The following CWF19L1 variants were observed in gnomAD, a reference collection of about 807,000 sequenced individuals.
The protein encoded by CWF19L1 is CWF19-like protein 1.
CWF19L1 carries 60 observed loss-of-function variants against 69.7 expected under a neutral mutation model. That is an observed-to-expected ratio of 0.86 (90% CI 0.70 to 1.07). CWF19L1 has a LOEUF of 1.07. Among genes scored for constraint, CWF19L1 ranks in the 50% least tolerant of loss-of-function variants. The pLI is 0.00. For missense variants in CWF19L1, 591 were observed against 638.9 expected, an observed-to-expected ratio of 0.92 and a Z score of 0.81; for synonymous variants, 209 against 222.2, an observed-to-expected ratio of 0.94 and a Z score of 0.53.
rs1400515805 is a variant in CWF19L1 at position 100,232,961 on chromosome 10, C to G, written c.*266G>C. 8.7e-6 allele frequency: 2 copies of G among 230,574 alleles called. No individual in the cohort carries two copies. The highest frequency in any genetic ancestry group is 1.7e-5 in the Non-Finnish European group (2 of 118,616). 14.3% of individuals were successfully genotyped at this position (230,574 alleles called of 1,614,324 possible). ...GCATTACAGACCAGCCTGGGCAACA[C>G]AGGGAGACCCTCCTGTCTCTATAAA... On this transcript the variant is annotated 3_prime_UTR_variant, in exon 14 of 14. Transcript: ENST00000354105.
chr10:100,243,798 G>A, intron 9 of CWF19L1, 21 bp from the exon 10 acceptor site: 1 of 1,604,836 alleles, frequency 6.2e-7, no homozygotes, highest in Non-Finnish European at 8.5e-7. Context: ...AAGAAAGCCA[G>A]GTGTTACTAT....
In CWF19L1 at chr10:100,245,811, G is replaced by C; in HGVS notation, c.952C>G (p.Pro318Ala). The C allele has an allele frequency of 6.2e-7, 1 of 1,613,460 alleles. No individual in the cohort carries two copies. Among genetic ancestry groups the C allele is most frequent in the Non-Finnish European group, 8.5e-7 (1 of 1,179,364 alleles). ...TAAAGGTACTTACGAGGTTTGCGAG[G>C]CTGCTTTGGATGAGGAGAAGATTTG... ...DSKSSPHPKQ[P>A]RKPPQPPGPC... The change falls in exon 9 of 14, where the codon CCT (proline) becomes GCT (alanine). Residue 318 changes from proline to alanine, a missense_variant. This residue lies in a region of CWF19L1 where 458 missense variants were observed against 489.3 expected (regional missense o/e 0.94). Coordinates refer to ENST00000354105, the MANE Select transcript of CWF19L1 (RefSeq NM_018294.6).
intron 6 of CWF19L1, among the ~76,000 whole-genome samples, chr10:100,252,693 G>A (rs1038650513): frequency 6.6e-6 from 1 of 150,798 alleles, no homozygotes; most frequent in African/African-American, 2.4e-5. Flanking sequence ...AAACTTAGCC[G>A]GACGTGGTGG....
At chr10:100,266,353 T>C (rs1261442960) in intron 1 of CWF19L1, among the ~76,000 whole-genome samples, 1 of 151,292 alleles carries the variant, frequency 6.6e-6, no homozygotes, top group Non-Finnish European at 1.5e-5. Flanking sequence ...TAATTTTTTT[T>C]TTTTTCTGTA....
At chr10:100,236,101 CTTTTTTTTT>C (rs781285945) in intron 12 of CWF19L1, among the ~76,000 whole-genome samples, 1 of 131,354 alleles carries the variant, frequency 7.6e-6, no homozygotes, top group African/African-American at 2.8e-5. Context: ...TCCACTGCCT[CTTTTTTTTT>C]TTTTTTTTTT....
intron 11 of CWF19L1, chr10:100,237,185 A>G: frequency 4.1e-6 from 3 of 729,116 alleles, no homozygotes; most frequent in Non-Finnish European, 7.6e-6. Flanking sequence ...TGATGCAGGA[A>G]AGGCTTAAGA....
At chr10:100,264,689 T>C (rs913317975) in intron 1 of CWF19L1, among the ~76,000 whole-genome samples, 5 of 151,182 alleles carry the variant, frequency 3.3e-5, no homozygotes, top group Non-Finnish European at 5.9e-5. Flanking sequence ...ACTGTTATCA[T>C]AGGAGATGAC....
chr10:100,252,206 G>A (rs1183545386), intron 6 of CWF19L1, among the ~76,000 whole-genome samples: 1 of 152,062 alleles, frequency 6.6e-6, no homozygotes, highest in Non-Finnish European at 1.5e-5. Context: ...TATTCTTTAA[G>A]AACTTGACCT....
chr10:100,243,652 A>C, intron 10 of CWF19L1, 46 bp downstream of exon 10: 1 of 1,487,108 alleles, frequency 6.7e-7, no homozygotes. Flanking sequence ...TTAATAAAAA[A>C]CAAATAGGCA....
intron 7 of CWF19L1, chr10:100,248,904 C>A: frequency 2.2e-6 from 2 of 926,196 alleles, no homozygotes; most frequent in Non-Finnish European, 3.5e-6. Flanking sequence ...CTGCTGAGGG[C>A]GATTCCAAGG....
intron 6 of CWF19L1, among the ~76,000 whole-genome samples, chr10:100,250,771 C>T (rs937044565): frequency 1.3e-5 from 2 of 151,972 alleles, no homozygotes; most frequent in Admixed American, 1.3e-4. Flanking sequence ...CACAGTGAGA[C>T]TCTGTCTCTA....
chr10:100,233,125 G>C lies in CWF19L1; in HGVS notation c.*102C>G. 1 of 1,230,532 alleles carries C rather than the reference G, an allele frequency of 8.1e-7. No homozygotes were observed. The highest frequency in any genetic ancestry group is 1.1e-6 in the Non-Finnish European group (1 of 907,038). The allele number at this position is 1,230,532 out of a possible 1,614,324, so 76.2% of individuals were successfully genotyped here. ...GTTATGCCACTGCAATCCTGCTTGG[G>C]TGACAGAGCGAGACTTTGTCTCAAA... is the stretch of plus-strand genomic sequence containing the variant. On this transcript the variant is annotated 3_prime_UTR_variant, in exon 14 of 14. Transcript: ENST00000354105.
At chr10:100,233,458 C>CT (rs1286460610) in intron 13 of CWF19L1, 87 bp from the exon 14 acceptor site, 1 of 1,406,742 alleles carries the variant, frequency 7.1e-7, no homozygotes, top group Admixed American at 2.1e-5. Context: ...GCAAATTTCT[C>CT]TGACTTTGCT....
At chr10:100,249,018 T>C in intron 7 of CWF19L1, 2 of 623,568 alleles carry the variant, frequency 3.2e-6, no homozygotes, top group Admixed American at 2.2e-5. Flanking sequence ...TCTTATACTC[T>C]GGGAACATCA....
chr10:100,239,218 A>G (rs1846558576), intron 10 of CWF19L1, among the ~76,000 whole-genome samples: 1 of 152,230 alleles, frequency 6.6e-6, no homozygotes, highest in Admixed American at 6.5e-5. Context: ...GCAACTAAAA[A>G]TATTTCTGTA....
intron 7 of CWF19L1, chr10:100,248,936 C>T (rs1285618938): frequency 1.2e-6 from 1 of 803,984 alleles, no homozygotes; most frequent in African/African-American, 1.7e-5. Flanking sequence ...ATCGCCAACT[C>T]ACTGGCCACC....
In CWF19L1 at chr10:100,238,300, T is replaced by G. The variant is rs544398944; in HGVS notation, c.1045-69A>C. On this transcript the variant is annotated intron_variant, in intron 10 of 13. Coordinates refer to ENST00000354105, the MANE Select transcript of CWF19L1 (RefSeq NM_018294.6). ...AGGATTCTCCAGGGAGAAAAACCTA[T>G]ACAAAAAGTGAGCCTGAGGGTGTAG... 2,272 of 1,449,938 alleles carry G rather than the reference T, an allele frequency of 1.6e-3. 44 individuals are homozygous for G. In the South Asian group the frequency reaches 0.024, roughly 15 times the overall value. The allele number at this position is 1,449,938 out of a possible 1,614,324, so 89.8% of individuals were successfully genotyped here.
intron 5 of CWF19L1, chr10:100,254,139 A>G (rs1847133639): frequency 6.6e-6 from 1 of 151,974 alleles, no homozygotes; most frequent in Non-Finnish European, 1.5e-5. Flanking sequence ...TCAGCCTCCC[A>G]AAGTGCACGC....
chr10:100,250,214 A>G, intron 7 of CWF19L1, 34 bp downstream of exon 7: 1 of 1,336,618 alleles, frequency 7.5e-7, no homozygotes, highest in Non-Finnish European at 1.1e-6. Context: ...CAGACCATGA[A>G]TATCAACCTT....
Sources: gnomAD v4.1 joint callset for allele counts (sites outside exome capture counted in the v4.1 genomes callset) on GRCh38, gnomAD v4.1.1 for gene constraint, gnomAD v4.1.1 regional missense constraint, MANE v1.5 for transcripts, NCBI Gene and HGNC (gene_info 2026-07-23, HGNC 2026-07-21) for gene names.